The following MDGA2 variants were observed in gnomAD, a reference collection of about 807,000 sequenced individuals.
MDGA2 encodes MAM domain containing glycosylphosphatidylinositol anchor 2.
In MDGA2, 40 loss-of-function variants were observed where a neutral mutation model predicts 117.8. That is an observed-to-expected ratio of 0.34 (90% CI 0.26 to 0.44). The LOEUF (loss-of-function observed/expected upper bound fraction) is 0.44. Among genes scored for constraint, MDGA2 ranks in the 20% least tolerant of loss-of-function variants. MDGA2 has a pLI of 1.00. For synonymous variants in MDGA2, 452 were observed against 439.0 expected (o/e 1.03, Z -0.37); for missense variants, 1,123 against 1,250.6 (o/e 0.90, Z 1.54).
At chr14:47,523,084 G>C (rs879290633) in intron 1 of MDGA2, among the ~76,000 whole-genome samples, 3 of 152,062 alleles carry the variant, frequency 2.0e-5, no homozygotes, top group Non-Finnish European at 4.4e-5. Flanking sequence ...CATTTATATA[G>C]TTATCAAACA....
At chr14:47,409,327 C>T (rs1346715176) in intron 1 of MDGA2, among the ~76,000 whole-genome samples, 5 of 152,154 alleles carry the variant, frequency 3.3e-5, no homozygotes, top group Non-Finnish European at 2.9e-5. Context: ...GGAAGGGACT[C>T]TGCTCTCTAA....
intron 10 of MDGA2, among the ~76,000 whole-genome samples, chr14:46,911,413 T>C (rs1454179549): frequency 6.6e-6 from 1 of 152,250 alleles, no homozygotes; most frequent in Non-Finnish European, 1.5e-5. Flanking sequence ...GTCAAACATT[T>C]ATTATTCAAA....
chr14:47,634,591 A>T (rs1220343307), intron 1 of MDGA2, among the ~76,000 whole-genome samples: 1 of 152,072 alleles, frequency 6.6e-6, no homozygotes, highest in East Asian at 1.9e-4. Context: ...TTTCTTTTTT[A>T]GCTTTTCTAA....
chr14:47,525,318 AC>A (rs1290685202), intron 1 of MDGA2, among the ~76,000 whole-genome samples: 6 of 152,038 alleles, frequency 3.9e-5, no homozygotes, highest in Non-Finnish European at 8.8e-5. Flanking sequence ...TGATCTCTGG[AC>A]ACTTGCCACT....
chr14:47,568,812 T>C (rs1169955608), intron 1 of MDGA2, among the ~76,000 whole-genome samples: 1 of 152,232 alleles, frequency 6.6e-6, no homozygotes. Flanking sequence ...TTTACTTTGC[T>C]GGCTATAAAA....
chr14:47,193,690 C>T (rs996310585), intron 3 of MDGA2, among the ~76,000 whole-genome samples: 5 of 152,122 alleles, frequency 3.3e-5, no homozygotes, highest in African/African-American at 4.8e-5. Context: ...TGAATTATGG[C>T]ATTATTTGAG....
intron 12 of MDGA2, among the ~76,000 whole-genome samples, 158 bp downstream of exon 12, chr14:46,877,331 A>C (rs766400973): frequency 2.0e-4 from 31 of 151,696 alleles, no homozygotes; most frequent in Non-Finnish European, 4.0e-4. Context: ...TATCCTTTGA[A>C]ATTTAAAATC....
intron 14 of MDGA2, among the ~76,000 whole-genome samples, chr14:46,863,813 C>A (rs771061837): frequency 2.0e-5 from 3 of 152,088 alleles, no homozygotes; most frequent in East Asian, 1.9e-4. Flanking sequence ...GTGGTTCAAA[C>A]CTGGATTCTA....
chr14:47,476,044 G>A (rs1893829006), intron 1 of MDGA2, among the ~76,000 whole-genome samples: 1 of 151,960 alleles, frequency 6.6e-6, no homozygotes, highest in East Asian at 1.9e-4. Flanking sequence ...TAAACTTAAA[G>A]TAAAAAAAAT....
intron 1 of MDGA2, among the ~76,000 whole-genome samples, chr14:47,426,053 C>T (rs990388409): frequency 2.6e-5 from 4 of 151,788 alleles, no homozygotes; most frequent in Admixed American, 1.3e-4. Flanking sequence ...TTACACAGCC[C>T]GGATGTTTTC....
chr14:47,530,154 G>C (rs1194982411), intron 1 of MDGA2, among the ~76,000 whole-genome samples: 1 of 152,150 alleles, frequency 6.6e-6, no homozygotes, highest in Non-Finnish European at 1.5e-5. Context: ...GGAATGGAAT[G>C]CAACCCTTGT....
chr14:47,601,425 G>A (rs879532113), intron 1 of MDGA2, among the ~76,000 whole-genome samples: 10 of 151,998 alleles, frequency 6.6e-5, no homozygotes, highest in African/African-American at 9.7e-5. Flanking sequence ...ATTGATCAAA[G>A]GCAGTTATCT....
intron 1 of MDGA2, among the ~76,000 whole-genome samples, chr14:47,523,617 A>G (rs1464836066): frequency 3.9e-5 from 6 of 152,142 alleles, no homozygotes. Flanking sequence ...AGGACCATTC[A>G]GGGAAACAGA....
At position 47,097,003 on chromosome 14, in the gene MDGA2, G is replaced by C; in HGVS notation, c.1046C>G (p.Ser349Cys). Reference protein sequence around the residue: ...EPAPSLTWVRSFGTLPEKTVL... With the variant: ...EPAPSLTWVRCFGTLPEKTVL... ...AGTCTTTTCAGGCAGAGTCCCAAAG[G>C]ACCTGACCCAGGTGAGAGAAGGTGC... Residue 349 changes from serine (S) to cysteine (C), a missense_variant, in exon 6 of 17, where the codon TCC (serine) becomes TGC (cysteine). Coordinates refer to ENST00000399232, the MANE Select transcript of MDGA2 (RefSeq NM_001113498.3). 1.2e-6 allele frequency: 2 copies of C among 1,613,304 alleles called. No individual in the cohort carries two copies. The highest frequency in any genetic ancestry group is 1.7e-6 in the Non-Finnish European group (2 of 1,179,498).
intron 8 of MDGA2, among the ~76,000 whole-genome samples, chr14:46,964,098 T>C (rs1314776360): frequency 6.6e-6 from 1 of 152,164 alleles, no homozygotes; most frequent in Admixed American, 6.5e-5. Flanking sequence ...GCACCCACTC[T>C]GGAAGTGCTG....
At chr14:47,029,897 G>A (rs866852593) in intron 8 of MDGA2, among the ~76,000 whole-genome samples, 8 of 151,590 alleles carry the variant, frequency 5.3e-5, no homozygotes, top group South Asian at 2.1e-4. Context: ...GCAAAATCTC[G>A]GGTCACTGCA....
intron 10 of MDGA2, among the ~76,000 whole-genome samples, chr14:46,889,010 A>T (rs1882773464): frequency 6.6e-6 from 1 of 152,042 alleles, no homozygotes; most frequent in African/African-American, 2.4e-5. Flanking sequence ...CAACAGAATA[A>T]GAAATCAGGA....
intron 1 of MDGA2, among the ~76,000 whole-genome samples, chr14:47,487,154 G>A (rs774271894): frequency 6.6e-6 from 1 of 152,130 alleles, no homozygotes; most frequent in Non-Finnish European, 1.5e-5. Flanking sequence ...AGTATCACAG[G>A]ACCCGTTCAA....
At chr14:47,366,710 G>A (rs1452668327) in intron 1 of MDGA2, among the ~76,000 whole-genome samples, 1 of 151,538 alleles carries the variant, frequency 6.6e-6, no homozygotes, top group Non-Finnish European at 1.5e-5. Flanking sequence ...TACAGATTGA[G>A]TACAGTTTTT....
Sources: allele counts gnomAD v4.1 joint callset (sites outside exome capture counted in the v4.1 genomes callset), GRCh38; gene constraint gnomAD v4.1.1; transcripts MANE v1.5; gene names NCBI Gene and HGNC (gene_info 2026-07-23, HGNC 2026-07-21).